The following NFYC variants were observed in gnomAD, a reference collection of about 807,000 sequenced individuals.
NFYC encodes CAAT box DNA-binding protein subunit C.
In NFYC, 25 loss-of-function variants were observed where a neutral mutation model predicts 53.1. That is an observed-to-expected ratio of 0.47 (90% CI 0.34 to 0.66). The LOEUF (loss-of-function observed/expected upper bound fraction) is 0.66. NFYC is among the 30% of genes least tolerant of loss of function. NFYC has a pLI of 0.01. For missense variants in NFYC, 260 were observed against 422.7 expected (o/e 0.62, Z 3.38); for synonymous variants, 145 against 152.6 (o/e 0.95, Z 0.37).
intron 1 of NFYC, among the ~76,000 whole-genome samples, chr1:40,703,700 GAC>G (rs1643556478): frequency 6.6e-6 from 1 of 152,120 alleles, no homozygotes. Context: ...TAAAAATAAA[GAC>G]ACTTGCTGCC....
intron 4 of NFYC, among the ~76,000 whole-genome samples, chr1:40,751,251 T>C (rs1645897184): frequency 6.6e-6 from 1 of 152,122 alleles, no homozygotes. Context: ...AAAGATACTA[T>C]GTTAACAAAA....
At chr1:40,769,483 G>T in intron 9 of NFYC, 68 bp downstream of exon 9, 6 of 1,395,094 alleles carry the variant, frequency 4.3e-6, no homozygotes, top group Non-Finnish European at 6.1e-6. Flanking sequence ...GTAGTATCTG[G>T]GTTTGGATGG....
At chr1:40,725,339 A>G (rs1332957869) in intron 1 of NFYC, among the ~76,000 whole-genome samples, 4 of 152,190 alleles carry the variant, frequency 2.6e-5, no homozygotes, top group African/African-American at 9.7e-5. Flanking sequence ...TTCAGTATAC[A>G]TCATTGCTGG....
At chr1:40,724,341 C>G (rs1224096476) in intron 1 of NFYC, among the ~76,000 whole-genome samples, 1 of 152,068 alleles carries the variant, frequency 6.6e-6, no homozygotes, top group Non-Finnish European at 1.5e-5. Flanking sequence ...GTACTCCAGC[C>G]TGGATGACAG....
chr1:40,754,059 A>C lies in NFYC; in HGVS notation c.387+813A>C, dbSNP rs1409239935. Among the ~76,000 whole-genome samples, 2 of 152,034 alleles carry C rather than the reference A, an allele frequency of 1.3e-5. 1 individual carries two copies. Among genetic ancestry groups the C allele is most frequent in the Non-Finnish European group, 2.9e-5 (2 of 68,006 alleles). ...TGATTCACTAGGTGCCACTTGGGAAATTGTGGCAGAATCTCACAGGAGCAA... is the reference window on the plus strand; with the variant it reads ...TGATTCACTAGGTGCCACTTGGGAACTTGTGGCAGAATCTCACAGGAGCAA... On this transcript the variant is annotated intron_variant, in intron 5 of 9. Coordinates refer to ENST00000447388, the MANE Select transcript of NFYC (RefSeq NM_014223.5).
chr1:40,692,628 A>C (rs1642892678), intron 1 of NFYC, among the ~76,000 whole-genome samples: 1 of 152,160 alleles, frequency 6.6e-6, no homozygotes. Context: ...GAATCGGATC[A>C]GGGATTTTGC....
intron 1 of NFYC, among the ~76,000 whole-genome samples, chr1:40,714,214 A>G (rs1335151277): frequency 3.3e-5 from 5 of 152,214 alleles, no homozygotes. Context: ...TCCACAAGCT[A>G]ACCTGTATTT....
chr1:40,771,489 T>G lies in NFYC; in HGVS notation c.*661T>G, dbSNP rs1483096950. ...TCCCAGGGACCCAGGAAACTAGGACTTTGTGTGTTTGCTGCCCACCTCCCT... is the reference window on the plus strand; with the variant it reads ...TCCCAGGGACCCAGGAAACTAGGACGTTGTGTGTTTGCTGCCCACCTCCCT... On this transcript the variant is annotated 3_prime_UTR_variant, in exon 10 of 10. Coordinates refer to ENST00000447388, the MANE Select transcript of NFYC (RefSeq NM_014223.5). The G allele has an allele frequency of 2.1e-6, 1 of 467,334 alleles. No individual in the cohort carries two copies. The highest frequency in any genetic ancestry group is 2.4e-5 in the Admixed American group (1 of 41,846). The allele number at this position is 467,334 out of a possible 1,614,324, so 28.9% of individuals were successfully genotyped here.
intron 6 of NFYC, 74 bp from the exon 7 acceptor site, chr1:40,762,814 G>A (rs1400711243): frequency 5.1e-6 from 7 of 1,380,718 alleles, no homozygotes; most frequent in African/African-American, 1.5e-5. Context: ...CACATTGCTC[G>A]TTATTAACCT....
At chr1:40,768,294 T>C (rs1646917974) in intron 8 of NFYC, among the ~76,000 whole-genome samples, 2 of 152,256 alleles carry the variant, frequency 1.3e-5, no homozygotes, top group African/African-American at 4.8e-5. Context: ...ACTTGTTTAT[T>C]CTGCAACATT....
intron 2 of NFYC, among the ~76,000 whole-genome samples, chr1:40,746,713 G>A (rs1002419195): frequency 6.6e-6 from 1 of 152,102 alleles, no homozygotes; most frequent in African/African-American, 2.4e-5. Context: ...CCATCATTGG[G>A]CATGTGTTTA....
intron 2 of NFYC, among the ~76,000 whole-genome samples, chr1:40,741,027 G>A (rs1645313081): frequency 6.6e-6 from 1 of 151,664 alleles, no homozygotes; most frequent in African/African-American, 2.4e-5. Context: ...ACATTGTTAT[G>A]GAACTTACCT....
At chr1:40,728,531 G>T (rs1488447521) in intron 1 of NFYC, among the ~76,000 whole-genome samples, 1 of 152,096 alleles carries the variant, frequency 6.6e-6, no homozygotes, top group East Asian at 2.0e-4. Context: ...AGAAGGCGGA[G>T]GTTGCAGTGA....
chr1:40,710,919 T>C (rs1372945862), intron 1 of NFYC, among the ~76,000 whole-genome samples: 1 of 152,198 alleles, frequency 6.6e-6, no homozygotes, highest in Non-Finnish European at 1.5e-5. Context: ...AAAAGCTCTA[T>C]TTAAGATGAA....
intron 1 of NFYC, among the ~76,000 whole-genome samples, chr1:40,721,205 A>G (rs1415168802): frequency 6.6e-6 from 1 of 152,218 alleles, no homozygotes; most frequent in Non-Finnish European, 1.5e-5. Context: ...ACAGTGTTTA[A>G]TTTCTTTACA....
intron 7 of NFYC, among the ~76,000 whole-genome samples, chr1:40,765,599 G>T (rs1346665765): frequency 6.6e-6 from 1 of 152,158 alleles, no homozygotes; most frequent in Non-Finnish European, 1.5e-5. Context: ...AAGGCAGGCT[G>T]GGCAGCCAGG....
chr1:40,742,904 G>A (rs1645427246), intron 2 of NFYC, among the ~76,000 whole-genome samples: 6 of 152,152 alleles, frequency 3.9e-5, no homozygotes, highest in Admixed American at 3.3e-4. Context: ...AAACATTTTA[G>A]CATTTAATCT....
intron 1 of NFYC, among the ~76,000 whole-genome samples, chr1:40,709,124 C>T (rs1345693232): frequency 1.3e-5 from 2 of 152,208 alleles, no homozygotes; most frequent in African/African-American, 4.8e-5. Flanking sequence ...ATTTCCACGC[C>T]TTAGAGTTCC....
chr1:40,742,215 CT>C (rs879874907), intron 2 of NFYC, among the ~76,000 whole-genome samples: 257 of 143,706 alleles, frequency 1.8e-3, no homozygotes, highest in Non-Finnish European at 1.7e-3. Context: ...CTGGCCTATC[CT>C]TTTTTTTTTT....
Sources: gnomAD v4.1 joint callset for allele counts (sites outside exome capture counted in the v4.1 genomes callset) on GRCh38, gnomAD v4.1.1 for gene constraint, MANE v1.5 for transcripts, NCBI Gene and HGNC (gene_info 2026-07-23, HGNC 2026-07-21) for gene names.